TEX9: variants seen among roughly 807,000 people sequenced by gnomAD.
The protein encoded by TEX9 is testis expressed 9.
A neutral mutation model predicts 59.6 loss-of-function variants in TEX9; 74 were observed. The ratio of observed to expected loss-of-function variants is 1.24; its 90% confidence interval spans 1.03 to 1.51. TEX9 has a LOEUF of 1.51. Among genes scored for constraint, TEX9 ranks in the 40% most tolerant of loss-of-function variants. The pLI, the probability that TEX9 is intolerant of heterozygous loss-of-function variation, is 0.00. For synonymous variants in TEX9, 186 were observed against 152.2 expected (o/e 1.22, Z -1.64); for missense variants, 522 against 447.8 (o/e 1.17, Z -1.49).
chr15:56,458,334 A>G, the TEX9 span, among the ~76,000 whole-genome samples: 3 of 152,238 alleles, frequency 2.0e-5, no homozygotes, highest in South Asian at 6.2e-4. Flanking sequence ...AATTGAGCAG[A>G]AAGTACACAG....
At chr15:56,311,308 A>G (rs1449921372) in intron 1 of TEX9, among the ~76,000 whole-genome samples, 8 of 103,654 alleles carry the variant, frequency 7.7e-5, no homozygotes, top group Admixed American at 4.3e-4. Context: ...CCCACCCCAC[A>G]ACAGTCCCCA....
intron 1 of TEX9, among the ~76,000 whole-genome samples, chr15:56,260,385 A>ATTGTGGCTGACG (rs1288693123): frequency 1.6e-4 from 24 of 152,214 alleles, no homozygotes; most frequent in Admixed American, 3.9e-4. Flanking sequence ...ACTTTATCAT[A>ATTGTGGCTGACG]TTAAAAAGTT....
At chr15:56,336,668 A>G (rs1349743396) in intron 1 of TEX9, among the ~76,000 whole-genome samples, 3 of 152,218 alleles carry the variant, frequency 2.0e-5, no homozygotes, top group Admixed American at 6.5e-5. Flanking sequence ...AGCATTACCT[A>G]TATGAGAATG....
intron 2 of TEX9, among the ~76,000 whole-genome samples, chr15:56,371,899 CTG>C (rs771633589): frequency 2.0e-5 from 3 of 152,182 alleles, no homozygotes; most frequent in Non-Finnish European, 4.4e-5. Context: ...TTTTTGTAGT[CTG>C]TGTTTCACAG....
At chr15:56,370,369 T>G (rs2047142271) in intron 2 of TEX9, among the ~76,000 whole-genome samples, 1 of 152,212 alleles carries the variant, frequency 6.6e-6, no homozygotes, top group Non-Finnish European at 1.5e-5. Context: ...TTTTCAGATA[T>G]CTTCATAATT....
chr15:56,458,859 C>T, the TEX9 span, among the ~76,000 whole-genome samples: 1 of 152,140 alleles, frequency 6.6e-6, no homozygotes, highest in Non-Finnish European at 1.5e-5. Flanking sequence ...TACTGAAGGA[C>T]ATCTTGGTTG....
chr15:56,282,705 G>C (rs541262934), intron 1 of TEX9, among the ~76,000 whole-genome samples: 4 of 152,274 alleles, frequency 2.6e-5, no homozygotes, highest in Admixed American at 2.0e-4. Flanking sequence ...TTTAGAGTTA[G>C]ATAGTTGAAA....
intron 12 of TEX9, among the ~76,000 whole-genome samples, chr15:56,444,995 A>C (rs993571953): frequency 3.1e-4 from 47 of 152,056 alleles, no homozygotes; most frequent in African/African-American, 1.0e-3. Flanking sequence ...TAAAGCAGTC[A>C]TTATCTTATT....
At chr15:56,354,963 T>C (rs1164723908) in intron 1 of TEX9, among the ~76,000 whole-genome samples, 3 of 152,182 alleles carry the variant, frequency 2.0e-5, no homozygotes, top group Non-Finnish European at 4.4e-5. Context: ...CCTAGTTTGA[T>C]TGAGGAATAA....
At chr15:56,411,248 CTT>C (rs1750016978) in intron 9 of TEX9, among the ~76,000 whole-genome samples, 2 of 152,112 alleles carry the variant, frequency 1.3e-5, no homozygotes, top group Admixed American at 6.6e-5. Flanking sequence ...GTGTTAGTGT[CTT>C]TTATATCCCA....
intron 1 of TEX9, among the ~76,000 whole-genome samples, chr15:56,348,211 T>C (rs1227216195): frequency 1.3e-5 from 2 of 152,130 alleles, no homozygotes; most frequent in Non-Finnish European, 2.9e-5. Context: ...ATTTTAAGTT[T>C]TTTTATATAA....
At chr15:56,359,896 G>T (rs1336103276) in intron 1 of TEX9, among the ~76,000 whole-genome samples, 3 of 152,136 alleles carry the variant, frequency 2.0e-5, no homozygotes, top group African/African-American at 7.2e-5. Context: ...TTATCAACTT[G>T]AGGATATTTC....
At chr15:56,295,568 A>G (rs578196592) in intron 1 of TEX9, among the ~76,000 whole-genome samples, 2 of 152,230 alleles carry the variant, frequency 1.3e-5, no homozygotes, top group Admixed American at 1.3e-4. Context: ...TCTCCACCTG[A>G]TATTTAGTCT....
chr15:56,317,549 T>C (rs1478677558), intron 1 of TEX9, among the ~76,000 whole-genome samples: 1 of 152,218 alleles, frequency 6.6e-6, no homozygotes, highest in African/African-American at 2.4e-5. Context: ...CTAATCTTTA[T>C]TATTTTCTTC....
intron 1 of TEX9, among the ~76,000 whole-genome samples, chr15:56,249,948 C>T (rs1318371141): frequency 2.6e-5 from 4 of 151,750 alleles, no homozygotes; most frequent in African/African-American, 9.7e-5. Flanking sequence ...CTCTCTTGGC[C>T]CATAAGTGGA....
At chr15:56,430,803 G>T (rs1282989331) in intron 12 of TEX9, among the ~76,000 whole-genome samples, 1 of 152,062 alleles carries the variant, frequency 6.6e-6, no homozygotes, top group Non-Finnish European at 1.5e-5. Flanking sequence ...TCTCATCTTT[G>T]GCATGTAAGT....
intron 1 of TEX9, among the ~76,000 whole-genome samples, chr15:56,349,179 C>A (rs1426407214): frequency 2.6e-5 from 4 of 152,012 alleles, no homozygotes; most frequent in Admixed American, 2.6e-4. Flanking sequence ...CTTTGTATGT[C>A]AAGTAAATTT....
intron 4 of TEX9, among the ~76,000 whole-genome samples, chr15:56,384,646 C>T (rs1357899729): frequency 2.0e-5 from 3 of 152,110 alleles, no homozygotes; most frequent in Non-Finnish European, 2.9e-5. Context: ...TGCTGCATAA[C>T]AAAAATTCAG....
intron 1 of TEX9, among the ~76,000 whole-genome samples, chr15:56,321,879 G>A (rs1328029957): frequency 2.0e-5 from 3 of 152,004 alleles, no homozygotes; most frequent in Non-Finnish European, 4.4e-5. Context: ...AAAAACAATA[G>A]AGATGGAGAA....
Sources: allele counts gnomAD v4.1 joint callset (sites outside exome capture counted in the v4.1 genomes callset), GRCh38; gene constraint gnomAD v4.1.1; transcripts MANE v1.5; gene names NCBI Gene and HGNC (gene_info 2026-07-23, HGNC 2026-07-21).